CPNE8: variants seen among roughly 807,000 people sequenced by gnomAD.
CPNE8 encodes copine-8.
In CPNE8, 45 loss-of-function variants were observed where a neutral mutation model predicts 81.5. The ratio of observed to expected loss-of-function variants is 0.55; its 90% confidence interval spans 0.44 to 0.71. The LOEUF (loss-of-function observed/expected upper bound fraction) is 0.71. Among genes scored for constraint, CPNE8 ranks in the 30% least tolerant of loss-of-function variants. The pLI is 0.00. For synonymous variants in CPNE8, 252 were observed against 226.3 expected, an observed-to-expected ratio of 1.11 and a Z score of -1.02; for missense variants, 594 against 672.1, an observed-to-expected ratio of 0.88 and a Z score of 1.28.
chr12:38,868,961 T>C (rs985812617), intron 3 of CPNE8, among the ~76,000 whole-genome samples: 15 of 152,184 alleles, frequency 9.9e-5, no homozygotes, highest in African/African-American at 3.4e-4. Flanking sequence ...AATTTTCCAC[T>C]GGAGCAAAAT....
chr12:38,777,640 A>C (rs936426939), intron 6 of CPNE8, among the ~76,000 whole-genome samples: 3 of 152,148 alleles, frequency 2.0e-5, no homozygotes, highest in East Asian at 3.9e-4. Context: ...ATACCATTTT[A>C]TATGTTTACT....
intron 13 of CPNE8, among the ~76,000 whole-genome samples, chr12:38,704,698 G>A (rs1447055663): frequency 7.3e-5 from 11 of 151,584 alleles, no homozygotes; most frequent in South Asian, 4.2e-4. Flanking sequence ...TGTGGCCACC[G>A]TCCAGCATCA....
intron 6 of CPNE8, among the ~76,000 whole-genome samples, chr12:38,798,354 G>A (rs948265753): frequency 5.3e-5 from 8 of 152,106 alleles, no homozygotes; most frequent in African/African-American, 1.9e-4. Context: ...TGATCTCTCC[G>A]CAGAAACTCT....
In CPNE8 at chr12:38,653,638, ATTTAGAG is replaced by A; in HGVS notation, c.*237_*243del. On this transcript the variant is annotated 3_prime_UTR_variant, in exon 20 of 20. Coordinates refer to ENST00000331366, the MANE Select transcript of CPNE8 (RefSeq NM_153634.3). ...CTGTTAAAAAAAAAAAGAAAGAAAG[ATTTAGAG>A]AAGACATCCATACTTTGCTTCAAGC... 3.0e-6 allele frequency: 1 copy of A among 332,780 alleles called. No homozygotes were observed. The highest frequency in any genetic ancestry group is 5.5e-6 in the Non-Finnish European group (1 of 182,850). The allele number at this position is 332,780 out of a possible 1,614,324, so 20.6% of individuals were successfully genotyped here. A position where few individuals can be genotyped will look rare whatever the true frequency, so the allele number is the denominator to read the frequency against.
At chr12:38,768,408 A>G (rs963326327) in intron 7 of CPNE8, among the ~76,000 whole-genome samples, 3 of 152,210 alleles carry the variant, frequency 2.0e-5, no homozygotes, top group African/African-American at 4.8e-5. Context: ...AAAGGAAAAC[A>G]AGCTAGGGTA....
chr12:38,746,185 C>T (rs2136810030), intron 10 of CPNE8, among the ~76,000 whole-genome samples: 1 of 151,510 alleles, frequency 6.6e-6, no homozygotes, highest in Non-Finnish European at 1.5e-5. Flanking sequence ...AAATATTCTT[C>T]AATATTAAAA....
intron 1 of CPNE8, among the ~76,000 whole-genome samples, chr12:38,878,301 T>A (rs1201738993): frequency 6.6e-6 from 1 of 152,144 alleles, no homozygotes; most frequent in African/African-American, 2.4e-5. Flanking sequence ...TTTCTTGGGG[T>A]CTGGATCGGG....
intron 3 of CPNE8, among the ~76,000 whole-genome samples, chr12:38,871,965 G>A (rs564286529): frequency 2.0e-5 from 3 of 151,982 alleles, no homozygotes; most frequent in Admixed American, 6.6e-5. Flanking sequence ...GAGAAACCCC[G>A]TCTCTACCAA....
chr12:38,815,822 A>G (rs1409808505), intron 6 of CPNE8, among the ~76,000 whole-genome samples: 1 of 152,202 alleles, frequency 6.6e-6, no homozygotes, highest in Non-Finnish European at 1.5e-5. Context: ...GTAAGGAATC[A>G]TAAGGAGTAC....
At position 38,786,890 on chromosome 12, in the gene CPNE8, A is replaced by C. The variant is rs565736835; in HGVS notation, c.408-10589T>G. Among the ~76,000 whole-genome samples the C allele has an allele frequency of 1.3e-5, 2 of 152,180 alleles. 1 individual carries two copies. Among genetic ancestry groups the C allele is most frequent in the Non-Finnish European group, 2.9e-5 (2 of 68,010 alleles). ...CAGAGACAGATCCCAATACAATTAT[A>C]CTGGAGACTGGAACACCCAATTTTA... On this transcript the variant is annotated intron_variant, in intron 6 of 19. Transcript: ENST00000331366.
chr12:38,870,215 T>G (rs1033219983), intron 3 of CPNE8, among the ~76,000 whole-genome samples: 4 of 152,234 alleles, frequency 2.6e-5, no homozygotes, highest in Non-Finnish European at 5.9e-5. Flanking sequence ...TAAACCATTG[T>G]GGAAGACAGT....
Position 38,696,887 on chromosome 12 carries a change from AAC to A in CPNE8, c.962-3051_962-3050del, listed in dbSNP as rs760393259. Among the ~76,000 whole-genome samples the A allele has an allele frequency of 2.3e-4, 35 of 152,242 alleles. 1 individual carries two copies. Among genetic ancestry groups the A allele is most frequent in the Non-Finnish European group, 4.7e-4 (32 of 67,998 alleles). On this transcript the variant is annotated intron_variant, in intron 14 of 19. Coordinates refer to ENST00000331366, the MANE Select transcript of CPNE8 (RefSeq NM_153634.3). ...ATGGCAAAATCTCGTCTTTACAAAAAACACACAAATTAGCCAGGAGTTGGTGG... is the reference window on the plus strand; with the variant it reads ...ATGGCAAAATCTCGTCTTTACAAAAAACACAAATTAGCCAGGAGTTGGTGG...
intron 6 of CPNE8, among the ~76,000 whole-genome samples, chr12:38,811,858 C>A (rs1285290588): frequency 6.6e-6 from 1 of 152,166 alleles, no homozygotes; most frequent in Non-Finnish European, 1.5e-5. Context: ...GGTGACAGAG[C>A]AAGATTCCAG....
At chr12:38,874,542 A>G in intron 1 of CPNE8, 31 bp from the exon 2 acceptor site, 1 of 1,430,158 alleles carries the variant, frequency 7.0e-7, no homozygotes, top group Non-Finnish European at 9.8e-7. Context: ...TGTTAGCTGG[A>G]TATAAAAGCA....
chr12:38,780,527 A>C (rs1368457066), intron 6 of CPNE8, among the ~76,000 whole-genome samples: 2 of 152,046 alleles, frequency 1.3e-5, no homozygotes, highest in Non-Finnish European at 2.9e-5. Flanking sequence ...ATAAAAATAG[A>C]TTTACACTTG....
chr12:38,689,267 C>G (rs1939614141), intron 15 of CPNE8, among the ~76,000 whole-genome samples: 1 of 152,052 alleles, frequency 6.6e-6, no homozygotes, highest in Non-Finnish European at 1.5e-5. Flanking sequence ...ATAATCTCAC[C>G]ACTCAGACTT....
At chr12:38,797,861 G>A (rs1451222338) in intron 6 of CPNE8, among the ~76,000 whole-genome samples, 1 of 152,196 alleles carries the variant, frequency 6.6e-6, no homozygotes, top group South Asian at 2.1e-4. Flanking sequence ...TAAAGGAGCT[G>A]ATGGAGCTGA....
chr12:38,867,127 G>T (rs1247109526), intron 3 of CPNE8, among the ~76,000 whole-genome samples: 3 of 152,076 alleles, frequency 2.0e-5, no homozygotes, highest in Admixed American at 1.3e-4. Context: ...CCAAAGTGCT[G>T]GGATTACAGG....
chr12:38,782,172 C>T (rs962677849), intron 6 of CPNE8, among the ~76,000 whole-genome samples: 4 of 152,090 alleles, frequency 2.6e-5, no homozygotes, highest in African/African-American at 9.7e-5. Context: ...CAGGAATTTT[C>T]TGTACTATTG....
Sources: gnomAD v4.1 joint callset for allele counts (sites outside exome capture counted in the v4.1 genomes callset) on GRCh38, gnomAD v4.1.1 for gene constraint, MANE v1.5 for transcripts, NCBI Gene and HGNC (gene_info 2026-07-23, HGNC 2026-07-21) for gene names.